The following ZBTB48 variants were observed in gnomAD, a reference collection of about 807,000 sequenced individuals.
The protein encoded by ZBTB48 is zinc finger and BTB domain containing 48.
Under a neutral mutation model 64.5 loss-of-function variants are expected in ZBTB48, and 35 were observed. The observed-to-expected ratio is 0.54, with a 90% CI of 0.41 to 0.72. The LOEUF (loss-of-function observed/expected upper bound fraction) is 0.72, where lower values mean the gene tolerates loss of function less well. Ranked by LOEUF, ZBTB48 falls within the 30% of genes least tolerant of loss-of-function variation. The pLI is 0.00. For synonymous variants in ZBTB48, 442 were observed against 356.7 expected (o/e 1.24, Z -2.70); for missense variants, 828 against 895.3 (o/e 0.92, Z 0.96).
chr1:6,587,715 CTT>C (rs2148695035), intron 7 of ZBTB48, 83 bp downstream of exon 7: 1 of 1,566,094 alleles, frequency 6.4e-7, no homozygotes, highest in East Asian at 2.3e-5. Flanking sequence ...AGTTTGCTGA[CTT>C]TTACACAGAT....
In ZBTB48 at chr1:6,580,809, C is replaced by T; in HGVS notation, c.200C>T (p.Ala67Val). 1.2e-6 allele frequency: 2 copies of T among 1,614,228 alleles called. No homozygotes were observed. Among genetic ancestry groups the T allele is most frequent in the Non-Finnish European group, 1.7e-6 (2 of 1,180,034 alleles). The change falls in exon 2 of 11, where the codon GCT becomes GTT. Residue 67 changes from alanine (A) to valine (V), a missense_variant. By Grantham distance (64) the Ala-to-Val change is moderately conservative (BLOSUM62 0). Transcript: ENST00000377674. The surrounding 1 kb of genome is among the most constrained non-coding windows in gnomAD (Gnocchi z 5.2). ...TCAGGGGGCAGTGTCGTCCTCCCTG[C>T]TGGCTTCGCTGAGATCTTTGGCCTC... ...DGSGGSVVLP[A>V]GFAEIFGLLL...
chr1:6,587,929 G>C, intron 7 of ZBTB48, 131 bp from the exon 8 acceptor site: 1 of 1,299,172 alleles, frequency 7.7e-7, no homozygotes, highest in Non-Finnish European at 1.0e-6. Context: ...TTCTGCTCTC[G>C]GGGTGGAGGT....
intron 2 of ZBTB48, among the ~76,000 whole-genome samples, 195 bp downstream of exon 2, chr1:6,581,494 T>G (rs770464646): frequency 3.9e-5 from 6 of 152,008 alleles, no homozygotes; most frequent in African/African-American, 9.7e-5. Flanking sequence ...AGGCCTCATT[T>G]GTACAAAGAC....
Position 6,587,257 on chromosome 1 carries a change from T to C in ZBTB48, c.1190T>C (p.Met397Thr), listed in dbSNP as rs778188451. The C allele has an allele frequency of 6.8e-6, 11 of 1,613,886 alleles. No homozygotes were observed. In the East Asian group the frequency reaches 1.1e-4, roughly 16 times the overall value. The change falls in exon 6 of 11, where the codon ATG (methionine) becomes ACG (threonine). Residue 397 changes from methionine to threonine, a missense_variant. By Grantham distance (81) the Met-to-Thr change is moderately conservative (BLOSUM62 -1). Coordinates refer to ENST00000377674, the MANE Select transcript of ZBTB48 (RefSeq NM_005341.4). ...FMQKKDLQSH[M>T]IKLHGAPKPH... is the part of the protein sequence containing the mutation. ...CAGAAGAAGGACTTGCAGAGCCACA[T>C]GATCAAACTTCATGGAGCCCCCAAG... is the stretch of plus-strand genomic sequence containing the variant.
chr1:6,589,248 C>T lies in ZBTB48; in HGVS notation c.*36C>T, dbSNP rs779693241. 6.7e-6 allele frequency: 10 copies of T among 1,483,012 alleles called. No individual in the cohort carries two copies. Among genetic ancestry groups the T allele is most frequent in the South Asian group, 1.4e-5 (1 of 72,168 alleles). 91.9% of individuals were successfully genotyped at this position (1,483,012 alleles called of 1,614,324 possible). On this transcript the variant is annotated 3_prime_UTR_variant, in exon 11 of 11. Coordinates refer to ENST00000377674, the MANE Select transcript of ZBTB48 (RefSeq NM_005341.4). ...CCACCAGAGCCCACTTGGCCCCACC[C>T]CTCAATAAACCGTGTGGCTTTGGAC... is the stretch of plus-strand genomic sequence containing the variant.
At position 6,586,696 on chromosome 1, in the gene ZBTB48, T is replaced by A; in HGVS notation, c.1046T>A (p.Val349Asp). The change falls in exon 5 of 11, where the codon GTC becomes GAC. Residue 349 changes from valine (V) to aspartate (D), a missense_variant and splice_region_variant. By Grantham distance (152) the Val-to-Asp change is radical. Transcript: ENST00000377674. The stretch of plus-strand genomic sequence containing the variant: ...CCTGCTTGCCCCTCACACTGCCAGG[T>A]CTTCACGTGCTCTGTGTGCCAGGAG... ...ARNCMNRSEQ[V>D]FTCSVCQETF... 6.5e-7 allele frequency: 1 copy of A among 1,548,994 alleles called. No homozygotes were observed. The highest frequency in any genetic ancestry group is 8.7e-7 in the Non-Finnish European group (1 of 1,146,022).
In ZBTB48 at chr1:6,582,319, A is replaced by G. The variant is rs367856002; in HGVS notation, c.932+20A>G. 1.2e-5 allele frequency: 20 copies of G among 1,600,614 alleles called. No individual in the cohort carries two copies. The highest frequency in any genetic ancestry group is 1.5e-5 in the Non-Finnish European group (18 of 1,169,554). ...CAACAGGTAAACGTTCTGTTTTTCT[A>G]TTTTCTTTTCCTGTCTGCCATTCCC... On this transcript the variant is annotated intron_variant, in intron 3 of 10. Coordinates refer to ENST00000377674, the MANE Select transcript of ZBTB48 (RefSeq NM_005341.4).
Position 6,588,124 on chromosome 1 carries a change from A to G in ZBTB48, c.1444A>G (p.Met482Val). 6.2e-7 allele frequency: 1 copy of G among 1,614,070 alleles called. No homozygotes were observed. The highest frequency in any genetic ancestry group is 2.2e-5 in the East Asian group (1 of 44,874). Residue 482 changes from methionine (M) to valine (V), a missense_variant, in exon 8 of 11, where the codon ATG (methionine) becomes GTG (valine). Met to Val is a conservative substitution (Grantham distance 21). Transcript: ENST00000377674. ...HAFTQKANLN[M>V]HLRTHTGEKP... ...CTTCACCCAAAAGGCCAATCTCAAC[A>G]TGCACCTGCGCACACACACGGGTGA...
chr1:6,588,876 C>A, intron 10 of ZBTB48, 32 bp downstream of exon 10: 2 of 1,613,874 alleles, frequency 1.2e-6, no homozygotes, highest in African/African-American at 1.3e-5. Flanking sequence ...TTCCCCTACC[C>A]TAGGATCCCC....
chr1:6,581,137 G>A lies in ZBTB48; in HGVS notation c.528G>A (p.Gln176=), dbSNP rs1416167710. ...GCAGTCATAGTCCTCAGAGGCCCCA[G>A]CTCCATTCCCCAGCTCAGAGTGAGG... The part of the protein sequence containing the change: ...PRGSHSPQRP[Q]LHSPAQSEGP... Residue 176 remains glutamine (Q), a synonymous_variant, in exon 2 of 11, where the codon CAG becomes CAA. Coordinates refer to ENST00000377674, the MANE Select transcript of ZBTB48 (RefSeq NM_005341.4). 2 of 1,613,438 alleles carry A rather than the reference G, an allele frequency of 1.2e-6. No individual in the cohort carries two copies. The highest frequency in any genetic ancestry group is 1.3e-5 in the African/African-American group (1 of 75,068).
rs1229506040 is a variant in ZBTB48, at chr1:6,587,527, A to C, written c.1274A>C (p.His425Pro). The C allele has an allele frequency of 6.2e-7, 1 of 1,614,116 alleles. No homozygotes were observed. ...CFLSRTELQL[H>P]EAFKHRGEKL... ...CTGTCTCGGACAGAGCTGCAGCTGCATGAAGCTTTCAAGCACCGTGGTGAG... is the reference window on the plus strand; with the variant it reads ...CTGTCTCGGACAGAGCTGCAGCTGCCTGAAGCTTTCAAGCACCGTGGTGAG... The change falls in exon 7 of 11, where the codon CAT becomes CCT. Residue 425 changes from histidine (H) to proline (P), a missense_variant. Transcript: ENST00000377674.
intron 2 of ZBTB48, among the ~76,000 whole-genome samples, chr1:6,581,506 A>G (rs774055906): frequency 2.1e-4 from 32 of 151,960 alleles, no homozygotes; most frequent in Non-Finnish European, 3.7e-4. Flanking sequence ...TACAAAGACT[A>G]TACAAAAATT....
In ZBTB48 at chr1:6,587,498, C is replaced by T; in HGVS notation, c.1245C>T (p.Cys415=). 1 of 1,614,018 alleles carries T rather than the reference C, an allele frequency of 6.2e-7. No individual in the cohort carries two copies. The highest frequency in any genetic ancestry group is 8.5e-7 in the Non-Finnish European group (1 of 1,180,008). Residue 415 remains cysteine (C), a synonymous_variant, in exon 7 of 11, where the codon TGC becomes TGT. Coordinates refer to ENST00000377674, the MANE Select transcript of ZBTB48 (RefSeq NM_005341.4). ...KPHACPTCAK[C]FLSRTELQLH... is the part of the protein sequence containing the mutation. ...TGCAGTGCCCCACCTGTGCCAAGTG[C>T]TTCCTGTCTCGGACAGAGCTGCAGC...
chr1:6,583,748 G>A (rs1191922895), intron 3 of ZBTB48, among the ~76,000 whole-genome samples: 4 of 149,370 alleles, frequency 2.7e-5, no homozygotes, highest in South Asian at 2.1e-4. Flanking sequence ...CTACAGGTGC[G>A]CACCACTACG....
chr1:6,587,705 A>T (rs1344693069), intron 7 of ZBTB48, 73 bp downstream of exon 7: 7 of 1,584,372 alleles, frequency 4.4e-6, no homozygotes, highest in Non-Finnish European at 6.0e-6. Flanking sequence ...GGGAAGACAG[A>T]GTTTGCTGAC....
At position 6,587,618 on chromosome 1, in the gene ZBTB48, C is replaced by T. The variant is rs776382625; in HGVS notation, c.1365C>T (p.Ile455=). The part of the protein sequence containing the change: ...ASSRNGLQMH[I]KAKHRNERPH... ...GCCGGAATGGCCTGCAGATGCACAT[C>T]AAGGCCAAGCACAGGTGCGTGTCGC... Residue 455 remains isoleucine (I), a synonymous_variant, in exon 7 of 11, where the codon ATC becomes ATT. Coordinates refer to ENST00000377674, the MANE Select transcript of ZBTB48 (RefSeq NM_005341.4). The T allele has an allele frequency of 5.6e-6, 9 of 1,613,270 alleles. No homozygotes were observed. The highest frequency in any genetic ancestry group is 7.6e-6 in the Non-Finnish European group (9 of 1,180,046).
Position 6,580,728 on chromosome 1 carries a change from A to T in ZBTB48, c.119A>T (p.His40Leu). 1.2e-6 allele frequency: 2 copies of T among 1,614,148 alleles called. No homozygotes were observed. Among genetic ancestry groups the T allele is most frequent in the Non-Finnish European group, 1.7e-6 (2 of 1,180,030 alleles). ...LDVGGLVFKA[H>L]WSVLACCSHF... ...GTGGGGGGCCTGGTGTTTAAGGCAC[A>T]CTGGAGTGTCCTTGCCTGCTGCAGT... Residue 40 changes from histidine to leucine, a missense_variant, in exon 2 of 11, where the codon CAC (histidine) becomes CTC (leucine). His to Leu is a moderately conservative substitution (Grantham distance 99). Coordinates refer to ENST00000377674, the MANE Select transcript of ZBTB48 (RefSeq NM_005341.4). The surrounding 1 kb of genome is among the most constrained non-coding windows in gnomAD (Gnocchi z 5.2).
intron 2 of ZBTB48, 75 bp downstream of exon 2, chr1:6,581,374 T>C (rs915989234): frequency 3.1e-5 from 45 of 1,428,836 alleles, no homozygotes; most frequent in Non-Finnish European, 4.1e-5. Flanking sequence ...ATAGGGACCC[T>C]GGGCTGGGTG....
In ZBTB48 at chr1:6,587,172, C is replaced by T. The variant is rs756259659; in HGVS notation, c.1138-33C>T. 126 of 1,612,348 alleles carry T rather than the reference C, an allele frequency of 7.8e-5. 1 individual carries two copies. Among genetic ancestry groups the T allele is most frequent in the Non-Finnish European group, 9.2e-5 (109 of 1,178,938 alleles). ...GTGGCAGGGTTTCATGGGTGCAGGC[C>T]GCCCTGGAGGTGACTGTGGGCCTCT... is the stretch of plus-strand genomic sequence containing the variant. On this transcript the variant is annotated intron_variant, in intron 5 of 10. Coordinates refer to ENST00000377674, the MANE Select transcript of ZBTB48 (RefSeq NM_005341.4).
Sources: gnomAD v4.1 joint callset for allele counts (sites outside exome capture counted in the v4.1 genomes callset) on GRCh38, gnomAD v4.1.1 for gene constraint, Gnocchi (gnomAD v3.1) non-coding constraint, MANE v1.5 for transcripts, NCBI Gene and HGNC (gene_info 2026-07-23, HGNC 2026-07-21) for gene names.